The following CCDC149 variants were observed in gnomAD, a reference collection of about 807,000 sequenced individuals.
CCDC149 encodes coiled-coil domain-containing protein 149.
Under a neutral mutation model 59.9 loss-of-function variants are expected in CCDC149, and 45 were observed. The ratio of observed to expected loss-of-function variants is 0.75; its 90% CI spans 0.59 to 0.96. The LOEUF (loss-of-function observed/expected upper bound fraction) is 0.96. Among genes scored for constraint, CCDC149 ranks in the 40% least tolerant of loss-of-function variants. The pLI is 0.00. For missense variants in CCDC149, 584 were observed against 664.7 expected (o/e 0.88, Z 1.33); for synonymous variants, 245 against 260.6 (o/e 0.94, Z 0.58).
chr4:24,826,345 G>A (rs1425019986), intron 9 of CCDC149, among the ~76,000 whole-genome samples: 2 of 152,188 alleles, frequency 1.3e-5, no homozygotes, highest in African/African-American at 4.8e-5. Flanking sequence ...AGTGGAAGGA[G>A]TGTGAGTAGA....
intron 4 of CCDC149, among the ~76,000 whole-genome samples, chr4:24,850,229 C>G (rs1243594370): frequency 6.6e-6 from 1 of 151,964 alleles, no homozygotes; most frequent in East Asian, 1.9e-4. Flanking sequence ...CCATTCCATT[C>G]CTTCAATAGA....
At chr4:24,927,276 A>G (rs1253571083) in intron 1 of CCDC149, among the ~76,000 whole-genome samples, 1 of 152,250 alleles carries the variant, frequency 6.6e-6, no homozygotes, top group African/African-American at 2.4e-5. Context: ...TTCTTTCACT[A>G]TACCATGCTG....
At chr4:24,855,098 T>A (rs1560219655) in intron 3 of CCDC149, among the ~76,000 whole-genome samples, 1 of 152,208 alleles carries the variant, frequency 6.6e-6, no homozygotes, top group Non-Finnish European at 1.5e-5. Flanking sequence ...GGCAAGGAAC[T>A]TCGTTGTCTC....
chr4:24,822,458 A>G lies in CCDC149; in HGVS notation c.1042+39T>C, dbSNP rs752892131. 5.0e-6 allele frequency: 7 copies of G among 1,394,716 alleles called. No homozygotes were observed. In the South Asian group the frequency reaches 1.0e-4, roughly 20 times the overall value. 86.4% of individuals were successfully genotyped at this position (1,394,716 alleles called of 1,614,324 possible). On this transcript the variant is annotated intron_variant, in intron 10 of 12. Coordinates refer to ENST00000635206, the MANE Select transcript of CCDC149 (RefSeq NM_001330643.2). ...AGCTTCATTTCTTAAAAAAAAGAAA[A>G]AAAAAAAAGGAAAATTGTTTTCATG... is the stretch of plus-strand genomic sequence containing the variant.
At chr4:24,878,957 T>C (rs1266253508) in intron 1 of CCDC149, among the ~76,000 whole-genome samples, 1 of 152,210 alleles carries the variant, frequency 6.6e-6, no homozygotes, top group Non-Finnish European at 1.5e-5. Context: ...ACGCCTCCCT[T>C]GCTTCTGGGT....
downstream of CCDC149, among the ~76,000 whole-genome samples, chr4:24,804,712 C>T (rs537275685): frequency 3.9e-5 from 6 of 152,196 alleles, no homozygotes; most frequent in East Asian, 1.2e-3. Flanking sequence ...TATCGTGAAC[C>T]GGGGTGCAAA....
chr4:24,964,678 G>A (rs1723744404), intron 1 of CCDC149, among the ~76,000 whole-genome samples: 3 of 152,040 alleles, frequency 2.0e-5, no homozygotes, highest in Admixed American at 2.0e-4. Context: ...AATACTAATG[G>A]CTGAAAACTC....
chr4:24,836,112 C>G (rs1716502109), intron 7 of CCDC149, among the ~76,000 whole-genome samples: 1 of 152,154 alleles, frequency 6.6e-6, no homozygotes, highest in African/African-American at 2.4e-5. Context: ...GGTAAGAAAC[C>G]TAATTGCAAA....
chr4:24,829,508 TC>T (rs899244903), intron 9 of CCDC149: 2 of 151,836 alleles, frequency 1.3e-5, no homozygotes, highest in East Asian at 3.9e-4. Flanking sequence ...GGCTGGAGTT[TC>T]CCCCTTGAAA....
At position 24,808,566 on chromosome 4, in the gene CCDC149, T is replaced by A. The variant is rs767893181; in HGVS notation, c.1446A>T (p.Ile482=). ...GCCCCGTCTCACTCCTCTGACCTTC[T>A]ATGGGACTCTCTCTTCTGACCTCTT... The change falls in exon 13 of 13, where the codon ATA becomes ATT. Residue 482 remains isoleucine, a synonymous_variant. Coordinates refer to ENST00000635206, the MANE Select transcript of CCDC149 (RefSeq NM_001330643.2). 6.4e-7 allele frequency: 1 copy of A among 1,551,748 alleles called. No individual in the cohort carries two copies. The highest frequency in any genetic ancestry group is 1.2e-5 in the South Asian group (1 of 84,034).
chr4:24,895,053 A>G (rs1174977695), intron 1 of CCDC149: 9 of 1,512,028 alleles, frequency 6.0e-6, no homozygotes, highest in Non-Finnish European at 8.9e-7. Flanking sequence ...GATGACGACC[A>G]TGATGGTGAT....
chr4:24,876,535 C>G lies in CCDC149; in HGVS notation c.225+1G>C. 6.2e-7 allele frequency: 1 copy of G among 1,612,670 alleles called. No individual in the cohort carries two copies. Among genetic ancestry groups the G allele is most frequent in the Non-Finnish European group, 8.5e-7 (1 of 1,178,996 alleles). On this transcript the variant is annotated splice_donor_variant, in intron 2 of 12. Transcript: ENST00000635206. LOFTEE classifies it high-confidence loss of function. ...GCTGAACAGGGCAGCCTAACACTTA[C>G]AATCAGCTCTCGGTACTTCTTCTTC...
chr4:24,903,321 T>TCCA, intron 1 of CCDC149, among the ~76,000 whole-genome samples: 1 of 152,204 alleles, frequency 6.6e-6, no homozygotes, highest in South Asian at 2.1e-4. Context: ...GAAAGGATCT[T>TCCA]CCAAGTTGAG....
intron 1 of CCDC149, among the ~76,000 whole-genome samples, chr4:24,894,418 A>G (rs968286119): frequency 6.6e-6 from 1 of 152,140 alleles, no homozygotes; most frequent in African/African-American, 2.4e-5. Flanking sequence ...TAATGCCTAC[A>G]TAATCAAGAC....
At chr4:24,842,815 G>A (rs1052056326) in intron 4 of CCDC149, among the ~76,000 whole-genome samples, 21 of 152,068 alleles carry the variant, frequency 1.4e-4, no homozygotes, top group Admixed American at 1.1e-3. Context: ...CTTAGCCTTC[G>A]TCTCTCACAG....
intron 3 of CCDC149, among the ~76,000 whole-genome samples, chr4:24,864,953 G>A (rs763239564): frequency 7.2e-5 from 11 of 152,122 alleles, no homozygotes; most frequent in African/African-American, 1.9e-4. Flanking sequence ...TGGTGTACAC[G>A]GGGTTCCTGG....
upstream of CCDC149, among the ~76,000 whole-genome samples, chr4:24,914,402 A>G (rs1288071554): frequency 3.3e-5 from 5 of 151,086 alleles, no homozygotes; most frequent in Middle Eastern, 3.4e-3. Context: ...AAAAAAAAAA[A>G]AAGAAAAAAA....
At position 24,842,024 on chromosome 4, in the gene CCDC149, C is replaced by T. The variant is rs79460955; in HGVS notation, c.373-3752G>A. Among the ~76,000 whole-genome samples the T allele has an allele frequency of 6.7e-3, 1,017 of 152,224 alleles. 14 individuals carry two copies. Among genetic ancestry groups the T allele is most frequent in the African/African-American group, 0.023 (947 of 41,532 alleles). ...GATAATATATTTATGCAAAGTCACA[C>T]TATTCTATTTTTACATAATACCGCT... On this transcript the variant is annotated intron_variant, in intron 4 of 12. Coordinates refer to ENST00000635206, the MANE Select transcript of CCDC149 (RefSeq NM_001330643.2).
intron 1 of CCDC149, among the ~76,000 whole-genome samples, chr4:24,944,808 T>C (rs910394568): frequency 6.6e-6 from 1 of 152,150 alleles, no homozygotes; most frequent in Non-Finnish European, 1.5e-5. Flanking sequence ...TTGTTTTCTG[T>C]CATGTATGGT....
Sources: gnomAD v4.1 joint callset for allele counts (sites outside exome capture counted in the v4.1 genomes callset) on GRCh38, gnomAD v4.1.1 for gene constraint, MANE v1.5 for transcripts, NCBI Gene and HGNC (gene_info 2026-07-23, HGNC 2026-07-21) for gene names.